Variants in PAPPA observed in about 807,000 individuals in gnomAD.
PAPPA encodes the protein pappalysin-1.
Under a neutral mutation model 164.0 loss-of-function variants are expected in PAPPA, and 60 were observed. The observed-to-expected ratio is 0.37, with a 90% CI of 0.30 to 0.45. PAPPA has a LOEUF of 0.45. PAPPA is among the 20% of genes least tolerant of loss of function. The pLI, the probability that PAPPA is intolerant of heterozygous loss-of-function variation, is 1.00. For synonymous variants in PAPPA, 875 were observed against 814.1 expected (o/e 1.07, Z -1.27); for missense variants, 1,782 against 2,087.3 (o/e 0.85, Z 2.85).
At chr9:116,289,335 A>ATATATATGCCATATATATG (rs1845400826) in intron 9 of PAPPA, among the ~76,000 whole-genome samples, 1 of 138,490 alleles carries the variant, frequency 7.2e-6, no homozygotes, top group East Asian at 2.1e-4. Context: ...GCATATATAT[A>ATATATATGCCATATATATG]GCATATATAT....
chr9:116,222,802 T>C (rs1844461747), intron 5 of PAPPA, among the ~76,000 whole-genome samples: 1 of 152,174 alleles, frequency 6.6e-6, no homozygotes, highest in Non-Finnish European at 1.5e-5. Context: ...TAATAAATGA[T>C]AATGCATTGT....
At chr9:116,285,878 T>C (rs896195826) in intron 9 of PAPPA, 1 of 152,208 alleles carries the variant, frequency 6.6e-6, no homozygotes, top group Non-Finnish European at 1.5e-5. Context: ...GTAGTTGAGC[T>C]TTGCTGGTCT....
At chr9:116,354,389 G>C (rs1846324988) in intron 17 of PAPPA, among the ~76,000 whole-genome samples, 1 of 152,122 alleles carries the variant, frequency 6.6e-6, no homozygotes, top group Non-Finnish European at 1.5e-5. Context: ...GGAACAAAAG[G>C]CTGAAAAAAC....
At chr9:116,176,977 A>G (rs4145480) in intron 1 of PAPPA, among the ~76,000 whole-genome samples, 33 of 132,310 alleles carry the variant, frequency 2.5e-4, no homozygotes, top group Non-Finnish European at 3.6e-4. Context: ...CCCCCCCCCC[A>G]ATATTTTTAT....
intron 1 of PAPPA, among the ~76,000 whole-genome samples, chr9:116,174,129 T>C (rs1400592725): frequency 6.6e-6 from 1 of 152,214 alleles, no homozygotes; most frequent in Admixed American, 6.5e-5. Flanking sequence ...TTGTGAGAGT[T>C]ACCTGAGTTA....
rs187281887 is a variant in PAPPA, at chr9:116,271,010, C to T, written c.2862-315C>T. Among the ~76,000 whole-genome samples the T allele has an allele frequency of 2.1e-3, 319 of 152,162 alleles. 2 individuals are homozygous for T. In the South Asian group the frequency reaches 0.039, roughly 18 times the overall value. On this transcript the variant is annotated intron_variant, in intron 8 of 21. Transcript: ENST00000328252. The surrounding 1 kb of genome is among the most constrained non-coding windows in gnomAD (Gnocchi z 4.2). ...CTTCCTAGACACTGTGGGAGCAAGA[C>T]CATTTATTTGTTCATTAGTTCTTCC...
chr9:116,193,484 A>T (rs1171734175), intron 2 of PAPPA, among the ~76,000 whole-genome samples: 1 of 152,124 alleles, frequency 6.6e-6, no homozygotes, highest in African/African-American at 2.4e-5. Flanking sequence ...CTTGCTGCAG[A>T]TGGGGAGACT....
chr9:116,306,698 A>G (rs917939893), intron 10 of PAPPA, among the ~76,000 whole-genome samples: 1 of 152,182 alleles, frequency 6.6e-6, no homozygotes, highest in Non-Finnish European at 1.5e-5. Flanking sequence ...GCTTGCAAAT[A>G]TCTTGTATTG....
chr9:116,204,381 T>C (rs1375996289), intron 2 of PAPPA, among the ~76,000 whole-genome samples: 1 of 152,160 alleles, frequency 6.6e-6, no homozygotes, highest in Non-Finnish European at 1.5e-5. Flanking sequence ...GGGATTTTGA[T>C]TGATTTTTCT....
rs541537069 is a variant in PAPPA at position 116,262,977 on chromosome 9, T to C, written c.2733-2880T>C. On this transcript the variant is annotated intron_variant, in intron 7 of 21. Coordinates refer to ENST00000328252, the MANE Select transcript of PAPPA (RefSeq NM_002581.5). ...ACTTGGGTAAAATATAGTTTTATCA[T>C]AGGAATTTTTCCGTGGAAAACATAA... 1.1e-4 allele frequency among the ~76,000 whole-genome samples: 16 copies of C among 152,332 alleles called. No homozygotes were observed. The South Asian group carries it at 3.1e-3, about 30-fold the overall frequency.
At chr9:116,346,820 G>A (rs1278069120) in intron 14 of PAPPA, among the ~76,000 whole-genome samples, 2 of 152,174 alleles carry the variant, frequency 1.3e-5, no homozygotes, top group African/African-American at 4.8e-5. Context: ...TAATGTCTCT[G>A]AGTCTCAGTC....
At chr9:116,244,429 A>C (rs1381761570) in intron 7 of PAPPA, among the ~76,000 whole-genome samples, 1 of 152,326 alleles carries the variant, frequency 6.6e-6, no homozygotes, top group Admixed American at 6.5e-5. Flanking sequence ...TCACTCGTGC[A>C]TTTAATAGGA....
intron 9 of PAPPA, among the ~76,000 whole-genome samples, chr9:116,285,662 A>T (rs1009384718): frequency 1.3e-5 from 2 of 152,176 alleles, no homozygotes; most frequent in Non-Finnish European, 2.9e-5. Context: ...CATGAGGGTC[A>T]GAATCCTGTG....
rs149177417 is a variant in PAPPA, at chr9:116,318,089, C to T, written c.3148-13155C>T. On this transcript the variant is annotated intron_variant, in intron 10 of 21. Transcript: ENST00000328252. ...GGGTTTGTCATGGCTTAGCTGTGGC[C>T]GAGTTTTTCTCCTCTGGCCATTTTT... Among the ~76,000 whole-genome samples the T allele has an allele frequency of 1.3e-3, 192 of 152,232 alleles. 1 individual carries two copies. Among genetic ancestry groups the T allele is most frequent in the South Asian group, 3.3e-3 (16 of 4,814 alleles).
Position 116,369,693 on chromosome 9 carries a change from T to C in PAPPA, c.4605+1939T>C, listed in dbSNP as rs1206469863. On this transcript the variant is annotated intron_variant, in intron 19 of 21. Transcript: ENST00000328252. ...CTGTGGGCCCTGGGCACTAAAGAGT[T>C]CAGTTATGATTCACTGTGAAATAAA... is the stretch of plus-strand genomic sequence containing the variant. 2.6e-5 allele frequency among the ~76,000 whole-genome samples: 4 copies of C among 152,142 alleles called. No homozygotes were observed. In the South Asian group the frequency reaches 6.2e-4, roughly 24 times the overall value.
chr9:116,353,784 T>G lies in PAPPA; in HGVS notation c.4338T>G (p.Asp1446Glu), dbSNP rs1846315630. 2 of 1,612,700 alleles carry G rather than the reference T, an allele frequency of 1.2e-6. No homozygotes were observed. Among genetic ancestry groups the G allele is most frequent in the Non-Finnish European group, 1.7e-6 (2 of 1,179,230 alleles). Residue 1446 changes from aspartate to glutamate, a missense_variant, in exon 17 of 22, where the codon GAT (aspartate) becomes GAG (glutamate). By Grantham distance (45) the Asp-to-Glu change is conservative. This residue lies in a region of PAPPA where 1,324 missense variants were observed against 1,656.9 expected (regional missense o/e 0.80). Coordinates refer to ENST00000328252, the MANE Select transcript of PAPPA (RefSeq NM_002581.5). ...GTAGGATCAAGTGTGAAGACAGTGA[T>G]GCCTCCCAGGTAAGCCTCCTGGAAC... is the stretch of plus-strand genomic sequence containing the variant. ...SECRIKCEDSDASQGLGSNVI... is the reference protein window; with the variant it reads ...SECRIKCEDSEASQGLGSNVI...
chr9:116,212,757 G>C (rs1361547082), intron 4 of PAPPA, among the ~76,000 whole-genome samples: 1 of 152,100 alleles, frequency 6.6e-6, no homozygotes. Context: ...AGAGAGGGAG[G>C]GCTGGAGGGA....
intron 13 of PAPPA, among the ~76,000 whole-genome samples, chr9:116,340,961 AG>A (rs1234756944): frequency 2.6e-5 from 4 of 152,262 alleles, no homozygotes; most frequent in African/African-American, 9.6e-5. Context: ...GGAGCTTCAT[AG>A]TTCCAGAAGC....
In PAPPA at chr9:116,271,567, C is replaced by T. The variant is rs1326971046; in HGVS notation, c.2953+151C>T. 1.6e-6 allele frequency: 1 copy of T among 643,628 alleles called. No individual in the cohort carries two copies. Among genetic ancestry groups the T allele is most frequent in the East Asian group, 2.7e-5 (1 of 37,472 alleles). 39.9% of individuals were successfully genotyped at this position (643,628 alleles called of 1,614,324 possible). A position where few individuals can be genotyped will look rare whatever the true frequency, so the allele number is the denominator to read the frequency against. ...TTGAGTGCCTCCTACATGCCAGGCA[C>T]TGTTTTCAATATCGGGAAATACAGC... On this transcript the variant is annotated intron_variant, in intron 9 of 21. Coordinates refer to ENST00000328252, the MANE Select transcript of PAPPA (RefSeq NM_002581.5). The surrounding 1 kb of genome is among the most constrained non-coding windows in gnomAD (Gnocchi z 4.2).
Sources: gnomAD v4.1 joint callset for allele counts (sites outside exome capture counted in the v4.1 genomes callset) on GRCh38, gnomAD v4.1.1 for gene constraint, gnomAD v4.1.1 regional missense constraint, Gnocchi (gnomAD v3.1) non-coding constraint, MANE v1.5 for transcripts, NCBI Gene and HGNC (gene_info 2026-07-23, HGNC 2026-07-21) for gene names.